The following DCAF6 variants were observed in gnomAD, a reference collection of about 807,000 sequenced individuals.
DCAF6 encodes DDB1 and CUL4 associated factor 6.
In DCAF6, 54 loss-of-function variants were observed where a neutral mutation model predicts 125.1. The observed-to-expected ratio is 0.43, with a 90% CI of 0.35 to 0.54. The LOEUF (loss-of-function observed/expected upper bound fraction) is 0.54. Among genes scored for constraint, DCAF6 ranks in the 20% least tolerant of loss-of-function variants. The probability of loss-of-function intolerance (pLI) is 0.01; values close to 1 mark genes in which losing one functional copy is unlikely to be tolerated. For missense variants in DCAF6, 934 were observed against 1,161.7 expected, an observed-to-expected ratio of 0.80 and a Z score of 2.85; for synonymous variants, 371 against 390.4, an observed-to-expected ratio of 0.95 and a Z score of 0.58.
intron 4 of DCAF6, among the ~76,000 whole-genome samples, chr1:167,975,799 C>G (rs1298045093): frequency 1.3e-5 from 2 of 152,168 alleles, no homozygotes; most frequent in Non-Finnish European, 2.9e-5. Flanking sequence ...ACAATCCTCC[C>G]ACCTTGGCCT....
chr1:167,998,053 T>C (rs1392212392), intron 7 of DCAF6, among the ~76,000 whole-genome samples: 1 of 152,148 alleles, frequency 6.6e-6, no homozygotes, highest in African/African-American at 2.4e-5. Context: ...ATTAGAGTTA[T>C]TATATGAGCC....
intron 3 of DCAF6, among the ~76,000 whole-genome samples, chr1:167,967,573 T>A (rs1676608498): frequency 6.6e-6 from 1 of 152,156 alleles, no homozygotes; most frequent in Admixed American, 6.5e-5. Context: ...GACTAAATAG[T>A]TATTTTAAAA....
the DCAF6 span, chr1:167,880,403 T>C: frequency 3.7e-6 from 4 of 1,086,898 alleles, no homozygotes; most frequent in South Asian, 5.0e-5. Context: ...TAATTAATTC[T>C]TCTTTCTTTC....
intron 11 of DCAF6, among the ~76,000 whole-genome samples, chr1:168,020,577 T>C (rs548024757): frequency 1.3e-5 from 2 of 152,294 alleles, no homozygotes; most frequent in African/African-American, 4.8e-5. Flanking sequence ...CCAACCATAT[T>C]ACATGTTACA....
chr1:167,876,370 G>C, the DCAF6 span, among the ~76,000 whole-genome samples: 1 of 152,050 alleles, frequency 6.6e-6, no homozygotes, highest in Non-Finnish European at 1.5e-5. Context: ...ACAGGATACT[G>C]ACAGTATCCA....
chr1:167,996,482 C>A (rs1681719470), intron 7 of DCAF6, among the ~76,000 whole-genome samples: 1 of 152,172 alleles, frequency 6.6e-6, no homozygotes, highest in South Asian at 2.1e-4. Context: ...GACCTATCCC[C>A]CTTTGTAGTT....
chr1:167,880,311 C>T, the DCAF6 span: 11 of 1,066,436 alleles, frequency 1.0e-5, no homozygotes, highest in East Asian at 1.0e-4. Context: ...TTTCTCTACC[C>T]GTTGGAATTA....
chr1:168,062,351 A>G (rs559603551), intron 17 of DCAF6, among the ~76,000 whole-genome samples: 21 of 152,282 alleles, frequency 1.4e-4, no homozygotes, highest in Admixed American at 9.2e-4. Flanking sequence ...GCAAAAATTC[A>G]TTGAGCTTTT....
At chr1:167,935,932 C>T (rs748551016), upstream of DCAF6, 4 of 982,772 alleles carry the variant, frequency 4.1e-6, no homozygotes, top group Non-Finnish European at 6.3e-6. Flanking sequence ...ACTTTTCCTG[C>T]CACGACGACT....
At position 168,068,354 on chromosome 1, in the gene DCAF6, G is replaced by GA; in HGVS notation, c.2686-4_2686-3insA. The GA allele has an allele frequency of 6.3e-7, 1 of 1,599,524 alleles. No homozygotes were observed. Among genetic ancestry groups the GA allele is most frequent in the Non-Finnish European group, 8.6e-7 (1 of 1,169,176 alleles). Reference sequence around the variant, plus strand: ...TTTGATACGATTTTTAACTTGCCTTGTAGGTTATAACTCGAAACGAACTCA... The same window carrying GA: ...TTTGATACGATTTTTAACTTGCCTTGATAGGTTATAACTCGAAACGAACTCA... On this transcript the variant is annotated splice_region_variant and splice_polypyrimidine_tract_variant and intron_variant, in intron 20 of 21. Coordinates refer to ENST00000367840, the MANE Select transcript of DCAF6 (RefSeq NM_001198956.2).
the DCAF6 span, among the ~76,000 whole-genome samples, chr1:167,897,280 G>A: frequency 6.7e-6 from 1 of 149,830 alleles, no homozygotes. Flanking sequence ...GAGCTCAGGA[G>A]TTCGAGACCA....
At chr1:167,866,426 T>G in the DCAF6 span, among the ~76,000 whole-genome samples, 521 of 149,520 alleles carry the variant, frequency 3.5e-3, 5 homozygotes, top group African/African-American at 0.012. Flanking sequence ...AAATTATATC[T>G]ATTACAAACA....
the DCAF6 span, among the ~76,000 whole-genome samples, chr1:167,884,968 T>C: frequency 6.6e-6 from 1 of 152,170 alleles, no homozygotes; most frequent in Non-Finnish European, 1.5e-5. Context: ...AGTGCTGGGA[T>C]TACAGGCATG....
At chr1:168,070,908 C>T (rs1692937718) in intron 21 of DCAF6, among the ~76,000 whole-genome samples, 1 of 152,074 alleles carries the variant, frequency 6.6e-6, no homozygotes, top group Non-Finnish European at 1.5e-5. Flanking sequence ...CTTATAAAAC[C>T]CTGCATTATC....
chr1:167,915,337 AAAGTT>A, the DCAF6 span, among the ~76,000 whole-genome samples: 1 of 152,344 alleles, frequency 6.6e-6, no homozygotes, highest in East Asian at 1.9e-4. Flanking sequence ...TTTCTGCTAT[AAAGTT>A]ATTAGTTCAG....
rs397981860 is a variant in DCAF6 at position 167,976,886 on chromosome 1, GTTTTTTTTTTTTTTT to G, written c.438+1891_438+1905del. Among the ~76,000 whole-genome samples, 72 of 38,062 alleles carry G rather than the reference GTTTTTTTTTTTTTTT, an allele frequency of 1.9e-3. 3 individuals are homozygous for G. Among genetic ancestry groups the G allele is most frequent in the East Asian group, 2.9e-3 (3 of 1,022 alleles). 25.0% of individuals were successfully genotyped at this position (38,062 alleles called of 152,430 possible). ...TGTACTGAAGGTACATCCTTTAGCA[GTTTTTTTTTTTTTTT>G]TTTTTTTTTTTTTTTTTTTGAGACG... On this transcript the variant is annotated intron_variant, in intron 4 of 21. Transcript: ENST00000367840.
chr1:167,927,042 A>C, the DCAF6 span, among the ~76,000 whole-genome samples: 121 of 152,338 alleles, frequency 7.9e-4, 2 homozygotes, highest in African/African-American at 2.8e-3. Flanking sequence ...TCCTTTTCTT[A>C]ATCTTCCTTG....
chr1:168,031,448 C>T (rs1687078607), intron 12 of DCAF6, among the ~76,000 whole-genome samples: 1 of 152,024 alleles, frequency 6.6e-6, no homozygotes, highest in South Asian at 2.1e-4. Flanking sequence ...AGTGATTGAG[C>T]CCATTAGTAG....
chr1:167,999,672 T>A (rs748264090), intron 7 of DCAF6, among the ~76,000 whole-genome samples: 3 of 152,166 alleles, frequency 2.0e-5, no homozygotes, highest in Non-Finnish European at 4.4e-5. Context: ...CAACCTCTGT[T>A]AGCTTCAGAC....
Sources: gnomAD v4.1 joint callset for allele counts (sites outside exome capture counted in the v4.1 genomes callset) on GRCh38, gnomAD v4.1.1 for gene constraint, MANE v1.5 for transcripts, NCBI Gene and HGNC (gene_info 2026-07-23, HGNC 2026-07-21) for gene names.